The following ELMO1 variants were observed in gnomAD, a reference collection of about 807,000 sequenced individuals.
The protein encoded by ELMO1 is engulfment and cell motility 1.
ELMO1 carries 26 observed loss-of-function variants against 98.9 expected under a neutral mutation model. The ratio of observed to expected loss-of-function variants is 0.26; its 90% CI spans 0.19 to 0.36. ELMO1 has a LOEUF of 0.36. ELMO1 is among the 10% of genes least tolerant of loss of function. The pLI, the probability that ELMO1 is intolerant of heterozygous loss-of-function variation, is 1.00. For synonymous variants in ELMO1, 346 were observed against 346.0 expected (o/e 1.00, Z 0.00); for missense variants, 627 against 935.2 (o/e 0.67, Z 4.30).
chr7:36,909,012 T>C (rs1341575270), intron 16 of ELMO1, among the ~76,000 whole-genome samples: 6 of 152,224 alleles, frequency 3.9e-5, no homozygotes, highest in Non-Finnish European at 7.3e-5. Flanking sequence ...AGGGCATTTA[T>C]ACTGGTAAAT....
At chr7:37,240,510 T>C (rs1014214321) in intron 7 of ELMO1, among the ~76,000 whole-genome samples, 1 of 152,174 alleles carries the variant, frequency 6.6e-6, no homozygotes, top group African/African-American at 2.4e-5. Flanking sequence ...AGTATTCTTA[T>C]TATTCTTTTT....
chr7:37,393,189 G>C (rs1297798531), intron 1 of ELMO1, among the ~76,000 whole-genome samples: 1 of 152,134 alleles, frequency 6.6e-6, no homozygotes. Context: ...AGAAATTGCA[G>C]ATATAATATA....
intron 4 of ELMO1, among the ~76,000 whole-genome samples, chr7:37,272,588 T>C (rs951400994): frequency 2.0e-5 from 3 of 151,864 alleles, no homozygotes; most frequent in Admixed American, 2.0e-4. Context: ...GACAGGAGAA[T>C]TGCTTGAATC....
chr7:36,952,664 C>T (rs1222019089), intron 16 of ELMO1, among the ~76,000 whole-genome samples: 7 of 152,068 alleles, frequency 4.6e-5, no homozygotes, highest in Non-Finnish European at 8.8e-5. Flanking sequence ...GGATGGGAAG[C>T]GGGAATTGTA....
chr7:37,262,385 A>G (rs1376280816), intron 5 of ELMO1, among the ~76,000 whole-genome samples: 1 of 152,198 alleles, frequency 6.6e-6, no homozygotes. Flanking sequence ...TTAGCCAAGG[A>G]GTCACTCCCA....
intron 1 of ELMO1, among the ~76,000 whole-genome samples, chr7:37,441,861 C>G (rs891094311): frequency 2.6e-5 from 4 of 152,142 alleles, no homozygotes; most frequent in African/African-American, 9.7e-5. Flanking sequence ...ACTTGGAGAG[C>G]TGGAGGAAAG....
chr7:37,045,312 G>T (rs1203104567), intron 15 of ELMO1, among the ~76,000 whole-genome samples: 1 of 152,198 alleles, frequency 6.6e-6, no homozygotes, highest in Non-Finnish European at 1.5e-5. Context: ...GAGAAATGAT[G>T]CAGGGGACAT....
chr7:37,163,337 C>CTT, intron 13 of ELMO1, among the ~76,000 whole-genome samples: 1 of 7,044 alleles, frequency 1.4e-4, no homozygotes, highest in Middle Eastern at 0.062. Context: ...AGCCAGTGTT[C>CTT]TTTTTTTTTT....
intron 1 of ELMO1, chr7:37,375,781 C>T (rs1219166172): frequency 6.0e-6 from 6 of 995,254 alleles, no homozygotes; most frequent in Non-Finnish European, 9.4e-6. Flanking sequence ...TCATCTGACC[C>T]TGGAGACTGT....
chr7:37,191,179 ACT>A (rs1791550236), intron 13 of ELMO1, among the ~76,000 whole-genome samples: 2 of 121,028 alleles, frequency 1.7e-5, no homozygotes, highest in African/African-American at 5.9e-5. Context: ...ACAGAGCAAG[ACT>A]CTGTCTCAAA....
chr7:37,384,017 G>A lies in ELMO1; in HGVS notation c.-73-41254C>T, dbSNP rs374825930. On this transcript the variant is annotated intron_variant, in intron 1 of 21. Transcript: ENST00000310758. ...TTTTTAGTAGAGACGGGGTTTCACC[G>A]TGTTAGCCAGGATGGTCTCGATCTC... 3.2e-4 allele frequency among the ~76,000 whole-genome samples: 48 copies of A among 152,154 alleles called. 1 individual carries two copies. Among genetic ancestry groups the A allele is most frequent in the African/African-American group, 1.1e-3 (45 of 41,528 alleles).
chr7:37,209,429 TTGGATTTTCTACATAG>T (rs1489445136), intron 13 of ELMO1, among the ~76,000 whole-genome samples: 2 of 152,172 alleles, frequency 1.3e-5, no homozygotes, highest in Non-Finnish European at 2.9e-5. Flanking sequence ...AATTCAGGTT[TTGGATTTTCTACATAG>T]CTCAGAAGAA....
At chr7:36,912,202 A>G (rs979004298) in intron 16 of ELMO1, among the ~76,000 whole-genome samples, 3 of 152,224 alleles carry the variant, frequency 2.0e-5, no homozygotes, top group African/African-American at 7.2e-5. Flanking sequence ...GAGTACATCC[A>G]GCAACTTCTG....
intron 7 of ELMO1, among the ~76,000 whole-genome samples, chr7:37,239,679 A>C (rs1398571707): frequency 6.6e-6 from 1 of 151,396 alleles, no homozygotes; most frequent in African/African-American, 2.4e-5. Flanking sequence ...AACAGATCTG[A>C]TGCCTGCGAA....
chr7:36,964,310 T>C (rs1021436122), intron 16 of ELMO1, among the ~76,000 whole-genome samples: 5 of 152,198 alleles, frequency 3.3e-5, no homozygotes, highest in African/African-American at 1.2e-4. Context: ...TAGCCTACCT[T>C]AAACATGCTC....
chr7:37,415,671 G>A (rs1188646888), intron 1 of ELMO1, among the ~76,000 whole-genome samples: 1 of 152,118 alleles, frequency 6.6e-6, no homozygotes, highest in African/African-American at 2.4e-5. Flanking sequence ...ATCTGCAATT[G>A]ATACTGGAAA....
chr7:37,329,278 T>C (rs971284539), intron 2 of ELMO1, among the ~76,000 whole-genome samples: 5 of 152,224 alleles, frequency 3.3e-5, no homozygotes, highest in Admixed American at 2.0e-4. Context: ...TTAGTTATAA[T>C]TGACAAACAA....
chr7:37,298,350 T>G (rs1329443442), intron 4 of ELMO1, among the ~76,000 whole-genome samples: 1 of 148,972 alleles, frequency 6.7e-6, no homozygotes, highest in Non-Finnish European at 1.5e-5. Context: ...ATGTGCACAT[T>G]GTGCAGGTTA....
chr7:37,224,759 A>C, intron 9 of ELMO1, 120 bp downstream of exon 9: 1 of 1,424,280 alleles, frequency 7.0e-7, no homozygotes, highest in Non-Finnish European at 9.5e-7. Context: ...TATATGCCAA[A>C]TTGAGATTCT....
Sources: allele counts gnomAD v4.1 joint callset (sites outside exome capture counted in the v4.1 genomes callset), GRCh38; gene constraint gnomAD v4.1.1; transcripts MANE v1.5; gene names NCBI Gene and HGNC (gene_info 2026-07-23, HGNC 2026-07-21).